Variants in CFAP299 observed in about 807,000 individuals in gnomAD.
CFAP299 encodes cilia- and flagella-associated protein 299.
CFAP299 carries 21 observed loss-of-function variants against 27.0 expected under a neutral mutation model. The ratio of observed to expected loss-of-function variants is 0.78; its 90% CI spans 0.55 to 1.12. The LOEUF (loss-of-function observed/expected upper bound fraction) is 1.12. Ranked by LOEUF, CFAP299 falls within the 50% of genes most tolerant of loss-of-function variation. The pLI, the probability that CFAP299 is intolerant of heterozygous loss-of-function variation, is 0.00. For missense variants in CFAP299, 310 were observed against 276.6 expected, an observed-to-expected ratio of 1.12 and a Z score of -0.86; for synonymous variants, 104 against 98.1, an observed-to-expected ratio of 1.06 and a Z score of -0.36.
intron 2 of CFAP299, among the ~76,000 whole-genome samples, chr4:80,557,656 C>A (rs572958135): frequency 1.3e-5 from 2 of 151,910 alleles, no homozygotes. Context: ...AGGTCCCATG[C>A]CAAAAGTATC....
At chr4:80,365,719 A>G (rs1339067572) in intron 2 of CFAP299, among the ~76,000 whole-genome samples, 1 of 152,200 alleles carries the variant, frequency 6.6e-6, no homozygotes, top group Admixed American at 6.5e-5. Context: ...GCAGAAGTGG[A>G]AATATTTTTG....
intron 3 of CFAP299, among the ~76,000 whole-genome samples, chr4:80,748,841 G>A (rs1724763270): frequency 6.6e-6 from 1 of 152,158 alleles, no homozygotes; most frequent in African/African-American, 2.4e-5. Flanking sequence ...CACGTGTTCA[G>A]CCTGTGTATT....
At chr4:80,456,997 TA>T (rs1410399998) in intron 2 of CFAP299, among the ~76,000 whole-genome samples, 6 of 151,282 alleles carry the variant, frequency 4.0e-5, no homozygotes, top group Non-Finnish European at 8.8e-5. Flanking sequence ...TTTTTTTTTT[TA>T]ACGCAGATGT....
At chr4:80,830,639 A>G (rs1730251397) in intron 3 of CFAP299, among the ~76,000 whole-genome samples, 1 of 152,100 alleles carries the variant, frequency 6.6e-6, no homozygotes, top group Admixed American at 6.6e-5. Context: ...ACATTAAAGA[A>G]GTTGAGCAGG....
chr4:80,809,528 T>G (rs776275237), intron 3 of CFAP299, among the ~76,000 whole-genome samples: 2 of 152,216 alleles, frequency 1.3e-5, no homozygotes, highest in South Asian at 2.1e-4. Flanking sequence ...TAGCACATGT[T>G]GAAAATGAGT....
chr4:80,775,735 A>G (rs1405987245), intron 3 of CFAP299, among the ~76,000 whole-genome samples: 1 of 152,252 alleles, frequency 6.6e-6, no homozygotes, highest in East Asian at 1.9e-4. Flanking sequence ...ATATTTTCGA[A>G]AAACTGACCA....
intron 2 of CFAP299, among the ~76,000 whole-genome samples, chr4:80,521,393 A>G (rs764167969): frequency 1.1e-4 from 17 of 152,272 alleles, no homozygotes; most frequent in Admixed American, 2.0e-4. Flanking sequence ...TAGTGTTTTT[A>G]TACTTTAATT....
rs1553923883 is a variant in CFAP299 at position 80,447,130 on chromosome 4, GTTTTTTTT to G, written c.242+84262_242+84269del. On this transcript the variant is annotated intron_variant, in intron 2 of 5. Transcript: ENST00000358105. Reference sequence around the variant, plus strand: ...TTTGCTTTTTATTTGTTTTTTTTTTGTTTTTTTTTTTTTTTTTTTTTTTGAGACGGAGT... The same window carrying G: ...TTTGCTTTTTATTTGTTTTTTTTTTGTTTTTTTTTTTTTTTGAGACGGAGT... Among the ~76,000 whole-genome samples the G allele has an allele frequency of 8.5e-5, 9 of 105,320 alleles. No individual in the cohort carries two copies. In the Admixed American group the frequency reaches 9.0e-4, roughly 11 times the overall value. The allele number at this position is 105,320 out of a possible 152,430, so 69.1% of individuals were successfully genotyped here.
intron 2 of CFAP299, among the ~76,000 whole-genome samples, chr4:80,395,256 T>G (rs1230957580): frequency 6.6e-6 from 1 of 152,114 alleles, no homozygotes; most frequent in Admixed American, 6.6e-5. Flanking sequence ...TTTTCTATGT[T>G]GATTTTGTAT....
At chr4:80,406,944 T>C (rs1037829011) in intron 2 of CFAP299, among the ~76,000 whole-genome samples, 2 of 152,110 alleles carry the variant, frequency 1.3e-5, no homozygotes, top group African/African-American at 4.8e-5. Context: ...GCGCTGTATG[T>C]TTCCAAAATC....
At chr4:80,628,649 A>T (rs747955042) in intron 3 of CFAP299, among the ~76,000 whole-genome samples, 1 of 152,178 alleles carries the variant, frequency 6.6e-6, no homozygotes, top group Non-Finnish European at 1.5e-5. Flanking sequence ...AAGGCAAACT[A>T]TTCAATAAAA....
chr4:80,542,741 G>A (rs933274391), intron 2 of CFAP299, among the ~76,000 whole-genome samples: 3 of 146,500 alleles, frequency 2.0e-5, no homozygotes, highest in Non-Finnish European at 3.0e-5. Context: ...CATTGCCATA[G>A]TTTTTTTTTT....
chr4:80,361,603 G>A (rs1461509620), intron 1 of CFAP299, among the ~76,000 whole-genome samples: 3 of 152,168 alleles, frequency 2.0e-5, no homozygotes, highest in Non-Finnish European at 2.9e-5. Context: ...AAGAATAATA[G>A]CCTTGGGCCT....
At chr4:80,450,734 A>T (rs148690303) in intron 2 of CFAP299, among the ~76,000 whole-genome samples, 5 of 152,188 alleles carry the variant, frequency 3.3e-5, no homozygotes, top group African/African-American at 1.2e-4. Flanking sequence ...ATTAAAAGAG[A>T]TTTTAAAAAC....
chr4:80,414,718 A>G (rs1726916746), intron 2 of CFAP299, among the ~76,000 whole-genome samples: 1 of 152,174 alleles, frequency 6.6e-6, no homozygotes, highest in South Asian at 2.1e-4. Context: ...TGAAGGACAT[A>G]TATTGTATTC....
chr4:80,780,069 T>G (rs941453846), intron 3 of CFAP299, among the ~76,000 whole-genome samples: 3 of 152,008 alleles, frequency 2.0e-5, no homozygotes, highest in South Asian at 2.1e-4. Flanking sequence ...ATTGCCACAA[T>G]TGTTCATTTT....
At chr4:80,845,277 CTG>C (rs1455266139) in intron 3 of CFAP299, among the ~76,000 whole-genome samples, 1 of 127,482 alleles carries the variant, frequency 7.8e-6, no homozygotes, top group East Asian at 2.1e-4. Flanking sequence ...AAGTCCCACA[CTG>C]TTTTTTTTTT....
At chr4:80,916,252 A>AATT (rs575516743) in intron 4 of CFAP299, among the ~76,000 whole-genome samples, 1 of 60,932 alleles carries the variant, frequency 1.6e-5, no homozygotes, top group Non-Finnish European at 4.0e-5. Context: ...ACTAGACTGA[A>AATT]ATATATATAT....
intron 3 of CFAP299, among the ~76,000 whole-genome samples, chr4:80,589,120 A>ACATTAGTAGCTTGTATTG (rs1736594247): frequency 6.6e-6 from 1 of 152,194 alleles, no homozygotes; most frequent in South Asian, 2.1e-4. Context: ...AACAGTAGAT[A>ACATTAGTAGCTTGTATTG]CATTAGTAGC....
Sources: gnomAD v4.1 joint callset for allele counts (sites outside exome capture counted in the v4.1 genomes callset) on GRCh38, gnomAD v4.1.1 for gene constraint, MANE v1.5 for transcripts, NCBI Gene and HGNC (gene_info 2026-07-23, HGNC 2026-07-21) for gene names.